The following PHF20 variants were observed in gnomAD, a reference collection of about 807,000 sequenced individuals.
PHF20 encodes glioma-expressed antigen 2.
Under a neutral mutation model 113.5 loss-of-function variants are expected in PHF20, and 23 were observed. The ratio of observed to expected loss-of-function variants is 0.20; its 90% confidence interval spans 0.15 to 0.29. The LOEUF is 0.29. PHF20 is among the 10% of genes least tolerant of loss of function. PHF20 has a pLI of 1.00. For synonymous variants in PHF20, 434 were observed against 457.3 expected (o/e 0.95, Z 0.65); for missense variants, 943 against 1,219.6 (o/e 0.77, Z 3.38).
At chr20:35,777,969 G>A (rs946111731) in intron 1 of PHF20, among the ~76,000 whole-genome samples, 5 of 152,176 alleles carry the variant, frequency 3.3e-5, no homozygotes, top group Non-Finnish European at 7.3e-5. Flanking sequence ...AGGGGGCTTG[G>A]AAGTCAGGAC....
chr20:35,938,559 T>C, intron 15 of PHF20, 138 bp from the exon 16 acceptor site: 1 of 802,674 alleles, frequency 1.2e-6, no homozygotes. Flanking sequence ...ACATTCGCTC[T>C]TGTTTAGCAA....
At chr20:35,921,400 T>C (rs1484468976) in intron 13 of PHF20, among the ~76,000 whole-genome samples, 2 of 151,978 alleles carry the variant, frequency 1.3e-5, no homozygotes, top group Non-Finnish European at 2.9e-5. Context: ...GGACTACTAT[T>C]AGATAATTGT....
At position 35,932,426 on chromosome 20, in the gene PHF20, C is replaced by T. The variant is rs541712257; in HGVS notation, c.2300+982C>T. On this transcript the variant is annotated intron_variant, in intron 15 of 17. Transcript: ENST00000374012. ...CATAATATAAAATTTACCATCTTAA[C>T]CATTTTTTTTTTTTTTTTTTTTGAG... Among the ~76,000 whole-genome samples the T allele has an allele frequency of 2.7e-4, 36 of 135,402 alleles. No homozygotes were observed. In the East Asian group the frequency reaches 6.6e-3, roughly 25 times the overall value. The allele number at this position is 135,402 out of a possible 152,430, so 88.8% of individuals were successfully genotyped here.
intron 17 of PHF20, among the ~76,000 whole-genome samples, chr20:35,941,649 T>G (rs1850052512): frequency 6.6e-6 from 1 of 152,200 alleles, no homozygotes; most frequent in Admixed American, 6.5e-5. Context: ...AAATATTCCC[T>G]AATTATTTGT....
At chr20:35,772,604 C>T (rs1009804918) in intron 1 of PHF20, among the ~76,000 whole-genome samples, 3 of 152,140 alleles carry the variant, frequency 2.0e-5, no homozygotes, top group South Asian at 4.1e-4. Context: ...GGCGGCACAC[C>T]CCCTTTCTTA....
intron 15 of PHF20, chr20:35,938,485 A>G: frequency 1.8e-6 from 1 of 548,250 alleles, no homozygotes. Context: ...GTCCAGTCCC[A>G]CTCACTGTGT....
Position 35,927,861 on chromosome 20 carries a change from G to A in PHF20, c.2086G>A (p.Val696Ile), listed in dbSNP as rs1462605213. The change falls in exon 14 of 18, where the codon GTT (valine) becomes ATT (isoleucine). Residue 696 changes from valine (V) to isoleucine (I), a missense_variant. Around this residue, in one of 3 missense-constraint regions of PHF20, gnomAD observed 349 missense variants for 412.3 expected, o/e 0.85. Coordinates refer to ENST00000374012, the MANE Select transcript of PHF20 (RefSeq NM_016436.5). ...TGTGCCCGAGAAATACACCTGTTAT[G>A]TTTGCCAAGACCCTCCAGGTAGAGA... is the stretch of plus-strand genomic sequence containing the variant. ...ENVPEKYTCY[V>I]CQDPPGQRPG... 2.5e-6 allele frequency: 4 copies of A among 1,613,028 alleles called. No individual in the cohort carries two copies. In the African/African-American group the frequency reaches 5.3e-5, roughly 22 times the overall value.
chr20:35,878,408 C>A, intron 9 of PHF20: 2 of 443,952 alleles, frequency 4.5e-6, no homozygotes, highest in Non-Finnish European at 7.9e-6. Context: ...TTCAGGTTGG[C>A]GTGTGCGAGA....
rs1261595114 is a variant in PHF20, at chr20:35,949,002, G to A, written c.*1375G>A. 6.6e-6 allele frequency: 1 copy of A among 152,632 alleles called. No homozygotes were observed. The highest frequency in any genetic ancestry group is 2.4e-5 in the African/African-American group (1 of 41,440). The allele number at this position is 152,632 out of a possible 1,614,324, so 9.5% of individuals were successfully genotyped here. ...AGTATCTTTAGCGACCTTTGGAATA[G>A]TTAAGCACAGGTCATTGTGGACATG... is the stretch of plus-strand genomic sequence containing the variant. On this transcript the variant is annotated 3_prime_UTR_variant, in exon 18 of 18. Transcript: ENST00000374012.
At chr20:35,849,425 T>C (rs1268328879) in intron 4 of PHF20, 2 of 470,874 alleles carry the variant, frequency 4.2e-6, no homozygotes, top group African/African-American at 4.0e-5. Context: ...TAGAATGAAG[T>C]AGGTGCTGAA....
chr20:35,883,342 T>C (rs2147018920), intron 9 of PHF20, among the ~76,000 whole-genome samples: 2 of 152,356 alleles, frequency 1.3e-5, no homozygotes, highest in Admixed American at 1.3e-4. Flanking sequence ...TAATTCTCCC[T>C]GTTTTACAGA....
At chr20:35,842,920 GT>G (rs1186452170) in intron 3 of PHF20, among the ~76,000 whole-genome samples, 176 bp downstream of exon 3, 1 of 152,098 alleles carries the variant, frequency 6.6e-6, no homozygotes, top group Admixed American at 6.6e-5. Flanking sequence ...TTGTTTGTTT[GT>G]TTTTTGAGAC....
At chr20:35,856,728 TGGG>T (rs2042834939) in intron 4 of PHF20, among the ~76,000 whole-genome samples, 1 of 152,216 alleles carries the variant, frequency 6.6e-6, no homozygotes. Flanking sequence ...AGAACTGTTG[TGGG>T]TATTTGAGCC....
chr20:35,923,001 G>A (rs929067867), intron 13 of PHF20, among the ~76,000 whole-genome samples: 1 of 152,166 alleles, frequency 6.6e-6, no homozygotes, highest in Admixed American at 6.5e-5. Flanking sequence ...TGTAGTCCCA[G>A]CTTCTCAGGA....
At chr20:35,934,894 T>C (rs2055835836) in intron 15 of PHF20, among the ~76,000 whole-genome samples, 1 of 152,220 alleles carries the variant, frequency 6.6e-6, no homozygotes, top group Non-Finnish European at 1.5e-5. Context: ...CGTAACCCCA[T>C]GTAAACCAAA....
At chr20:35,777,791 C>T (rs1420070832) in intron 1 of PHF20, among the ~76,000 whole-genome samples, 3 of 152,146 alleles carry the variant, frequency 2.0e-5, no homozygotes, top group South Asian at 4.1e-4. Context: ...GGTGACAGCA[C>T]GAGACCCCAT....
chr20:35,815,679 A>G (rs1231291826), intron 2 of PHF20, among the ~76,000 whole-genome samples: 1 of 151,738 alleles, frequency 6.6e-6, no homozygotes, highest in Non-Finnish European at 1.5e-5. Flanking sequence ...GTTAGCCAGG[A>G]TGGTCTCGGT....
chr20:35,909,564 T>C (rs1248154003), intron 10 of PHF20, among the ~76,000 whole-genome samples: 1 of 152,172 alleles, frequency 6.6e-6, no homozygotes, highest in Admixed American at 6.5e-5. Context: ...CATCTGACCA[T>C]GTTTTGCCAG....
intron 1 of PHF20, among the ~76,000 whole-genome samples, chr20:35,794,008 A>AAAAAAAAAAAAAAAAAAAAAC (rs2041615745): frequency 7.0e-6 from 1 of 142,318 alleles, no homozygotes. Context: ...AAAAAAAAAA[A>AAAAAAAAAAAAAAAAAAAAAC]AAAAAAAAAG....
Sources: gnomAD v4.1 joint callset for allele counts (sites outside exome capture counted in the v4.1 genomes callset) on GRCh38, gnomAD v4.1.1 for gene constraint, gnomAD v4.1.1 regional missense constraint, MANE v1.5 for transcripts, NCBI Gene and HGNC (gene_info 2026-07-23, HGNC 2026-07-21) for gene names.